Variants in GRIN2B observed in about 807,000 individuals in gnomAD.
The protein encoded by GRIN2B is glutamate ionotropic receptor NMDA type subunit 2B, also known as glutamate receptor ionotropic, NMDA 2B.
Under a neutral mutation model 114.5 loss-of-function variants are expected in GRIN2B, and 5 were observed. That is an observed-to-expected ratio of 0.04 (90% CI 0.02 to 0.09). The LOEUF (loss-of-function observed/expected upper bound fraction) is 0.09, where lower values mean the gene tolerates loss of function less well. Among genes scored for constraint, GRIN2B ranks in the 10% least tolerant of loss-of-function variants. The probability of loss-of-function intolerance (pLI) is 1.00; values close to 1 mark genes in which losing one functional copy is unlikely to be tolerated. For synonymous variants in GRIN2B, 787 were observed against 745.1 expected (o/e 1.06, Z -0.92); for missense variants, 1,108 against 1,943.5 (o/e 0.57, Z 8.08).
At chr12:13,873,323 T>C (rs1017293873) in intron 2 of GRIN2B, among the ~76,000 whole-genome samples, 1 of 152,228 alleles carries the variant, frequency 6.6e-6, no homozygotes, top group Non-Finnish European at 1.5e-5. Flanking sequence ...GTATCACAGA[T>C]GACAAACATC....
chr12:13,872,273 A>G (rs1865923823), intron 2 of GRIN2B, among the ~76,000 whole-genome samples: 1 of 151,898 alleles, frequency 6.6e-6, no homozygotes, highest in Non-Finnish European at 1.5e-5. Flanking sequence ...GGCCAAAGTG[A>G]GCAGATCACT....
intron 4 of GRIN2B, among the ~76,000 whole-genome samples, chr12:13,694,701 AT>A (rs1166919285): frequency 9.1e-5 from 12 of 131,570 alleles, no homozygotes; most frequent in South Asian, 2.4e-4. Flanking sequence ...ATATATATAT[AT>A]AAATTAATTA....
intron 10 of GRIN2B, among the ~76,000 whole-genome samples, chr12:13,597,811 C>A (rs1444776670): frequency 6.6e-6 from 1 of 152,212 alleles, no homozygotes; most frequent in Non-Finnish European, 1.5e-5. Context: ...TCAAGACCCT[C>A]CATCGGTAAC....
intron 4 of GRIN2B, among the ~76,000 whole-genome samples, chr12:13,690,759 C>T (rs919733829): frequency 5.9e-5 from 9 of 151,842 alleles, no homozygotes; most frequent in South Asian, 4.2e-4. Flanking sequence ...TATTTTATTC[C>T]GTAAGAAAGA....
chr12:13,977,648 A>T (rs1362521849), intron 2 of GRIN2B, among the ~76,000 whole-genome samples: 1 of 152,136 alleles, frequency 6.6e-6, no homozygotes, highest in African/African-American at 2.4e-5. Flanking sequence ...AATAGAACCC[A>T]GTCAGCTCTG....
rs534980209 is a variant in GRIN2B, at chr12:13,788,670, C to T, written c.412-34755G>A. On this transcript the variant is annotated intron_variant, in intron 3 of 13. Coordinates refer to ENST00000609686, the MANE Select transcript of GRIN2B (RefSeq NM_000834.5). ...ACTTTGGTTTCCCTTCTTTCCTTTT[C>T]GAGGAACCCTTAATTTCTGTGTATT... Among the ~76,000 whole-genome samples the T allele has an allele frequency of 1.7e-4, 18 of 107,698 alleles. No homozygotes were observed. The East Asian group carries it at 5.5e-3, about 33-fold the overall frequency. The allele number at this position is 107,698 out of a possible 152,430, so 70.7% of individuals were successfully genotyped here. A position where few individuals can be genotyped will look rare whatever the true frequency, so the allele number is the denominator to read the frequency against.
At chr12:13,754,879 T>C (rs1467653025) in intron 3 of GRIN2B, among the ~76,000 whole-genome samples, 2 of 152,184 alleles carry the variant, frequency 1.3e-5, no homozygotes, top group East Asian at 3.9e-4. Context: ...CCATTTTAAA[T>C]GTCTCCCATT....
chr12:13,793,584 C>T (rs573751945), intron 3 of GRIN2B, among the ~76,000 whole-genome samples: 1 of 152,306 alleles, frequency 6.6e-6, no homozygotes, highest in East Asian at 1.9e-4. Context: ...CTGTTTTTCT[C>T]CTACTTTTCT....
intron 3 of GRIN2B, among the ~76,000 whole-genome samples, chr12:13,850,748 C>T (rs1473931362): frequency 6.6e-6 from 1 of 152,140 alleles, no homozygotes; most frequent in Admixed American, 6.5e-5. Context: ...TGCTTGATGT[C>T]CCAGGAGGGC....
intron 3 of GRIN2B, among the ~76,000 whole-genome samples, chr12:13,859,532 A>G (rs988576845): frequency 6.6e-6 from 1 of 152,164 alleles, no homozygotes; most frequent in Admixed American, 6.6e-5. Context: ...CTGCCTACCC[A>G]TCTTTCCCCA....
chr12:13,823,114 T>C (rs1864968238), intron 3 of GRIN2B, among the ~76,000 whole-genome samples: 2 of 152,096 alleles, frequency 1.3e-5, no homozygotes, highest in South Asian at 4.1e-4. Context: ...CCCCCAACTT[T>C]GTTATTCTTT....
intron 3 of GRIN2B, among the ~76,000 whole-genome samples, chr12:13,837,609 C>T (rs1385414279): frequency 6.6e-6 from 1 of 152,180 alleles, no homozygotes; most frequent in Non-Finnish European, 1.5e-5. Context: ...AAGGTTAAGT[C>T]ATTGCCTAAG....
intron 5 of GRIN2B, among the ~76,000 whole-genome samples, chr12:13,674,012 A>G (rs1293452018): frequency 6.6e-6 from 1 of 152,112 alleles, no homozygotes; most frequent in Middle Eastern, 3.2e-3. Flanking sequence ...AGCCCAGGGA[A>G]CAACCATTTC....
At chr12:13,910,246 G>A (rs553651402) in intron 2 of GRIN2B, among the ~76,000 whole-genome samples, 2 of 152,136 alleles carry the variant, frequency 1.3e-5, no homozygotes, top group South Asian at 4.2e-4. Context: ...GCCCTCCCTC[G>A]AAGAGCATAG....
chr12:13,950,546 A>C (rs892116318), intron 2 of GRIN2B, among the ~76,000 whole-genome samples: 2 of 152,248 alleles, frequency 1.3e-5, no homozygotes, highest in Admixed American at 1.3e-4. Context: ...GGATGTGCTC[A>C]ATAAATTCTT....
intron 2 of GRIN2B, among the ~76,000 whole-genome samples, chr12:13,902,596 AG>A (rs1403773144): frequency 6.6e-6 from 1 of 152,174 alleles, no homozygotes; most frequent in African/African-American, 2.4e-5. Flanking sequence ...AGATTACCTG[AG>A]GTCGAGAATT....
intron 4 of GRIN2B, among the ~76,000 whole-genome samples, chr12:13,744,976 C>T (rs1326993889): frequency 6.6e-6 from 1 of 152,168 alleles, no homozygotes; most frequent in Non-Finnish European, 1.5e-5. Flanking sequence ...CTTCCAAATC[C>T]TTATCGGCCA....
Position 13,847,094 on chromosome 12 carries a change from C to T in GRIN2B, c.411+18704G>A, listed in dbSNP as rs574810837. 1.3e-4 allele frequency among the ~76,000 whole-genome samples: 20 copies of T among 152,272 alleles called. No individual in the cohort carries two copies. The South Asian group carries it at 4.1e-3, about 32-fold the overall frequency. The stretch of plus-strand genomic sequence containing the variant: ...CTAATAAGGGAGAGCCAGAATCAGT[C>T]CAGGTCTGTCTGGGCCTGAATTCTA... On this transcript the variant is annotated intron_variant, in intron 3 of 13. Coordinates refer to ENST00000609686, the MANE Select transcript of GRIN2B (RefSeq NM_000834.5).
chr12:13,877,275 T>C (rs1050999458), intron 2 of GRIN2B, among the ~76,000 whole-genome samples: 1 of 152,094 alleles, frequency 6.6e-6, no homozygotes, highest in Non-Finnish European at 1.5e-5. Flanking sequence ...TTTGAGACTA[T>C]ACCTCAAAGA....
Sources: allele counts gnomAD v4.1 joint callset (sites outside exome capture counted in the v4.1 genomes callset), GRCh38; gene constraint gnomAD v4.1.1; transcripts MANE v1.5; gene names NCBI Gene and HGNC (gene_info 2026-07-23, HGNC 2026-07-21).